Variants in CHD6 observed in about 807,000 individuals in gnomAD.
The protein encoded by CHD6 is ATP-dependent chromatin remodeler CHD6.
In CHD6, 50 loss-of-function variants were observed where a neutral mutation model predicts 276.9. The ratio of observed to expected loss-of-function variants is 0.18; its 90% CI spans 0.14 to 0.23. The LOEUF is 0.23. CHD6 is among the 10% of genes least tolerant of loss of function. The pLI is 1.00. For missense variants in CHD6, 2,564 were observed against 3,365.8 expected (o/e 0.76, Z 5.89); for synonymous variants, 1,173 against 1,229.3 (o/e 0.95, Z 0.96).
intron 23 of CHD6, 37 bp downstream of exon 23, chr20:41,450,909 G>T: frequency 6.3e-7 from 1 of 1,585,138 alleles, no homozygotes; most frequent in South Asian, 1.1e-5. Context: ...AGTCTGAGCC[G>T]GGCTGCCACC....
chr20:41,415,141 G>A, intron 34 of CHD6, 45 bp downstream of exon 34: 1 of 1,552,226 alleles, frequency 6.4e-7, no homozygotes, highest in African/African-American at 1.4e-5. Flanking sequence ...TTGTTTCTCA[G>A]TGTAGAAAGG....
rs1187762989 is a variant in CHD6, at chr20:41,473,171, A to C, written c.2664+151T>G. ...AAGGGTCGACATTTACTTTTCATTC[A>C]GTTTCACCCCCTGACCAAGGCCCTA... is the stretch of plus-strand genomic sequence containing the variant. On this transcript the variant is annotated intron_variant, in intron 17 of 36. Transcript: ENST00000373233. This position sits in a 1 kb window ranked among gnomAD's most constrained non-coding sequence, Gnocchi z 4.1. 4 of 606,192 alleles carry C rather than the reference A, an allele frequency of 6.6e-6. No homozygotes were observed. Among genetic ancestry groups the C allele is most frequent in the African/African-American group, 1.8e-5 (1 of 54,056 alleles). 37.6% of individuals were successfully genotyped at this position (606,192 alleles called of 1,614,324 possible). A position where few individuals can be genotyped will look rare whatever the true frequency, so the allele number is the denominator to read the frequency against.
chr20:41,590,832 C>T (rs1225407143), intron 1 of CHD6, among the ~76,000 whole-genome samples: 3 of 151,502 alleles, frequency 2.0e-5, no homozygotes, highest in African/African-American at 4.9e-5. Context: ...ACTAGAAATA[C>T]CATTTGACCC....
chr20:41,437,287 A>T lies in CHD6; in HGVS notation c.4055T>A (p.Leu1352His). 1 of 1,613,432 alleles carries T rather than the reference A, an allele frequency of 6.2e-7. No homozygotes were observed. The highest frequency in any genetic ancestry group is 1.3e-5 in the African/African-American group (1 of 75,024). The change falls in exon 27 of 37, where the codon CTC becomes CAC. Residue 1352 changes from leucine (L) to histidine (H), a missense_variant. Coordinates refer to ENST00000373233, the MANE Select transcript of CHD6 (RefSeq NM_032221.5). ...CATTTGACTCACCGTTTGTTTCTGG[A>T]GGCCATCTACTTTGTCCTCAGCATT... ...EDNAEDKVDGLQKQTESSSDG... is the reference protein window; with the variant it reads ...EDNAEDKVDGHQKQTESSSDG...
Position 41,421,999 on chromosome 20 carries a change from G to C in CHD6, c.4636C>G (p.Arg1546Gly), listed in dbSNP as rs563059701. 4 of 1,614,104 alleles carry C rather than the reference G, an allele frequency of 2.5e-6. No homozygotes were observed. Among genetic ancestry groups the C allele is most frequent in the African/African-American group, 2.7e-5 (2 of 74,948 alleles). Residue 1546 changes from arginine (R) to glycine (G), a missense_variant, in exon 31 of 37, where the codon CGG (arginine) becomes GGG (glycine). Transcript: ENST00000373233. ...TTGAGCACTTGCTCTCGGACTTTCC[G>C]TAACAGTTCAATGCGGTACAGAGTT... The part of the protein sequence containing the change: ...ARTLYRIELL[R>G]KVREQVLKCP...
At chr20:41,517,998 C>T (rs991212214) in intron 3 of CHD6, among the ~76,000 whole-genome samples, 7 of 152,158 alleles carry the variant, frequency 4.6e-5, no homozygotes, top group African/African-American at 1.7e-4. Flanking sequence ...AGCAACATTC[C>T]AATGACCCAA....
At chr20:41,592,256 T>C (rs2045671197) in intron 1 of CHD6, among the ~76,000 whole-genome samples, 1 of 152,192 alleles carries the variant, frequency 6.6e-6, no homozygotes, top group Admixed American at 6.5e-5. Context: ...TCTACCTAAT[T>C]TCTTTTTTTT....
chr20:41,563,588 G>T (rs1475284623), intron 1 of CHD6, among the ~76,000 whole-genome samples: 2 of 151,758 alleles, frequency 1.3e-5, no homozygotes, highest in African/African-American at 4.8e-5. Flanking sequence ...CATCTTCCTT[G>T]GTCAGAAAAA....
At chr20:41,562,753 T>C (rs1020855498) in intron 1 of CHD6, among the ~76,000 whole-genome samples, 6 of 152,214 alleles carry the variant, frequency 3.9e-5, no homozygotes, top group Admixed American at 6.5e-5. Context: ...AGGGACCGTA[T>C]CTATTTTGAC....
At chr20:41,486,093 G>C (rs2043407263) in intron 14 of CHD6, 1 of 152,054 alleles carries the variant, frequency 6.6e-6, no homozygotes, top group Admixed American at 6.6e-5. Context: ...AGGGTACTTA[G>C]AAATCGAATC....
chr20:41,540,121 A>C (rs184707213), intron 2 of CHD6, among the ~76,000 whole-genome samples: 2 of 152,336 alleles, frequency 1.3e-5, no homozygotes, highest in East Asian at 3.9e-4. Context: ...AGTAGAATGT[A>C]AGCTTCCAGA....
chr20:41,442,393 A>G (rs2047928781), intron 25 of CHD6, among the ~76,000 whole-genome samples: 1 of 152,192 alleles, frequency 6.6e-6, no homozygotes, highest in Admixed American at 6.5e-5. Context: ...TCAAGGCTAC[A>G]GTGAGCTGTG....
intron 23 of CHD6, 57 bp downstream of exon 23, chr20:41,450,889 G>A: frequency 1.3e-6 from 2 of 1,515,514 alleles, no homozygotes; most frequent in Middle Eastern, 1.9e-4. Context: ...GGGTTCCCAG[G>A]AATCGAAGCA....
At chr20:41,485,954 A>C (rs1982233904) in intron 14 of CHD6, 2 of 152,144 alleles carry the variant, frequency 1.3e-5, no homozygotes, top group Admixed American at 1.3e-4. Context: ...TAAAAAAATA[A>C]AGCCAAAAAA....
chr20:41,581,545 C>T (rs1045930024), intron 1 of CHD6, among the ~76,000 whole-genome samples: 4 of 151,766 alleles, frequency 2.6e-5, no homozygotes, highest in Admixed American at 1.3e-4. Context: ...TGTGGTGGTG[C>T]GTGCCTATAG....
intron 7 of CHD6, chr20:41,497,778 C>A: frequency 2.1e-6 from 1 of 484,298 alleles, no homozygotes; most frequent in Non-Finnish European, 3.7e-6. Flanking sequence ...ATCATTAACA[C>A]ACATTAGTGA....
At chr20:41,416,471 G>T (rs1255477000) in intron 33 of CHD6, 117 bp downstream of exon 33, 93 of 908,552 alleles carry the variant, frequency 1.0e-4, no homozygotes, top group Middle Eastern at 3.6e-4. Context: ...CTAATGGCTT[G>T]GCAAAAAAAA....
At chr20:41,474,154 G>A (rs1406961481) in intron 16 of CHD6, among the ~76,000 whole-genome samples, 1 of 152,154 alleles carries the variant, frequency 6.6e-6, no homozygotes, top group Non-Finnish European at 1.5e-5. Flanking sequence ...TTTTTGAGGT[G>A]TGTGTGTGGG....
chr20:41,452,895 G>C lies in CHD6; in HGVS notation c.3168C>G (p.His1056Gln). 1 of 1,613,774 alleles carries C rather than the reference G, an allele frequency of 6.2e-7. No homozygotes were observed. The highest frequency in any genetic ancestry group is 8.5e-7 in the Non-Finnish European group (1 of 1,179,974). ...DRPRVRKQTK[H>Q]YNSFEEDELM... ...GCTCGTCTTCCTCAAACGAGTTGTAGTGTTTGGTCTGCTTTCTCACGCGAG... is the reference window on the plus strand; with the variant it reads ...GCTCGTCTTCCTCAAACGAGTTGTACTGTTTGGTCTGCTTTCTCACGCGAG... Residue 1056 changes from histidine (H) to glutamine (Q), a missense_variant, in exon 21 of 37, where the codon CAC (histidine) becomes CAG (glutamine). His to Gln is a conservative substitution (Grantham distance 24). Around this residue, in one of 7 missense-constraint regions of CHD6, gnomAD observed 515 missense variants for 739.5 expected, o/e 0.70. Coordinates refer to ENST00000373233, the MANE Select transcript of CHD6 (RefSeq NM_032221.5). The surrounding 1 kb of genome is among the most constrained non-coding windows in gnomAD (Gnocchi z 4.2).
Sources: gnomAD v4.1 joint callset for allele counts (sites outside exome capture counted in the v4.1 genomes callset) on GRCh38, gnomAD v4.1.1 for gene constraint, gnomAD v4.1.1 regional missense constraint, Gnocchi (gnomAD v3.1) non-coding constraint, MANE v1.5 for transcripts, NCBI Gene and HGNC (gene_info 2026-07-23, HGNC 2026-07-21) for gene names.